DOCK3: variants seen among roughly 807,000 people sequenced by gnomAD.
DOCK3 encodes the protein dedicator of cytokinesis protein 3.
DOCK3 carries 60 observed loss-of-function variants against 265.6 expected under a neutral mutation model. The ratio of observed to expected loss-of-function variants is 0.23; its 90% CI spans 0.18 to 0.28. The LOEUF is 0.28. DOCK3 is among the 10% of genes least tolerant of loss of function. The pLI, the probability that DOCK3 is intolerant of heterozygous loss-of-function variation, is 1.00. For synonymous variants in DOCK3, 881 were observed against 938.0 expected (o/e 0.94, Z 1.11); for missense variants, 1,981 against 2,594.3 (o/e 0.76, Z 5.14).
At chr3:50,683,804 A>C (rs2034577840) in intron 1 of DOCK3, among the ~76,000 whole-genome samples, 1 of 147,852 alleles carries the variant, frequency 6.8e-6, no homozygotes, top group African/African-American at 2.5e-5. Context: ...CATTCTCTCC[A>C]CATTTTTTCT....
At chr3:50,813,131 A>G (rs745548821) in intron 2 of DOCK3, among the ~76,000 whole-genome samples, 1 of 152,354 alleles carries the variant, frequency 6.6e-6, no homozygotes, top group Middle Eastern at 3.4e-3. Context: ...AAAATTGGTA[A>G]TGTCTTAAAT....
chr3:50,964,179 T>C (rs374682815), intron 5 of DOCK3, among the ~76,000 whole-genome samples: 2 of 152,138 alleles, frequency 1.3e-5, no homozygotes, highest in East Asian at 3.9e-4. Context: ...ATAAAACAAC[T>C]GATGAAAGCA....
chr3:50,941,627 G>A (rs1432701582), intron 5 of DOCK3, among the ~76,000 whole-genome samples: 4 of 151,954 alleles, frequency 2.6e-5, no homozygotes, highest in Admixed American at 2.6e-4. Flanking sequence ...TTTATAAAAA[G>A]CTTTATTTCT....
intron 32 of DOCK3, among the ~76,000 whole-genome samples, chr3:51,317,257 C>A (rs6445620): frequency 6.7e-6 from 1 of 148,676 alleles, no homozygotes; most frequent in African/African-American, 2.5e-5. Context: ...TGGTCAAAAA[C>A]CAATTGCCAA....
chr3:51,260,492 G>A (rs1665908626), intron 23 of DOCK3, among the ~76,000 whole-genome samples, 166 bp downstream of exon 23: 1 of 152,122 alleles, frequency 6.6e-6, no homozygotes, highest in Non-Finnish European at 1.5e-5. Context: ...TGCTTTTACT[G>A]CAAATCTGGC....
chr3:50,940,058 C>CACACACAA (rs1553709235), intron 5 of DOCK3, among the ~76,000 whole-genome samples: 110 of 151,256 alleles, frequency 7.3e-4, no homozygotes, highest in African/African-American at 2.6e-3. Context: ...TACCCACAGA[C>CACACACAA]ACACACATAC....
intron 49 of DOCK3, among the ~76,000 whole-genome samples, chr3:51,373,443 T>C (rs1225286878): frequency 6.6e-6 from 1 of 152,192 alleles, no homozygotes; most frequent in Admixed American, 6.5e-5. Context: ...CCCCCAGTGG[T>C]TTCTCATGGA....
chr3:51,087,020 C>A (rs1265617698), intron 7 of DOCK3, among the ~76,000 whole-genome samples: 1 of 152,152 alleles, frequency 6.6e-6, no homozygotes, highest in Non-Finnish European at 1.5e-5. Flanking sequence ...AACTGTATGG[C>A]TCTACTGCTG....
chr3:51,345,301 A>T (rs17051747), intron 38 of DOCK3, among the ~76,000 whole-genome samples: 4,868 of 152,224 alleles, frequency 0.032, 282 homozygotes, highest in African/African-American at 0.11. Context: ...TAAAGCAAGG[A>T]GTCAGGGTCT....
intron 5 of DOCK3, among the ~76,000 whole-genome samples, chr3:51,001,595 G>A (rs1031812267): frequency 6.6e-6 from 1 of 152,118 alleles, no homozygotes; most frequent in African/African-American, 2.4e-5. Context: ...TTTCTCTGGA[G>A]AATGCTAACA....
At chr3:51,200,129 T>C (rs910540881) in intron 12 of DOCK3, among the ~76,000 whole-genome samples, 2 of 151,840 alleles carry the variant, frequency 1.3e-5, no homozygotes, top group Admixed American at 1.3e-4. Flanking sequence ...GCAGAGCACC[T>C]CTCCTCCTTC....
rs1235165847 is a variant in DOCK3 at position 50,725,014 on chromosome 3, G to C, written c.37+49714G>C. ...CTCAAAAAAAAAAAAAAATAATAATGACTAAGAATTTCCAAGTCGTGATGA... is the reference window on the plus strand; with the variant it reads ...CTCAAAAAAAAAAAAAAATAATAATCACTAAGAATTTCCAAGTCGTGATGA... On this transcript the variant is annotated intron_variant, in intron 1 of 52. Coordinates refer to ENST00000266037, the MANE Select transcript of DOCK3 (RefSeq NM_004947.5). Among the ~76,000 whole-genome samples the C allele has an allele frequency of 3.3e-5, 5 of 151,276 alleles. 1 individual carries two copies. The highest frequency in any genetic ancestry group is 3.3e-4 in the Admixed American group (5 of 15,186).
chr3:50,923,309 G>T (rs978299022), intron 4 of DOCK3, among the ~76,000 whole-genome samples: 1 of 152,084 alleles, frequency 6.6e-6, no homozygotes, highest in African/African-American at 2.4e-5. Context: ...TGGATCAATG[G>T]TAGTTCTACT....
intron 7 of DOCK3, among the ~76,000 whole-genome samples, chr3:51,085,844 G>GA (rs1199545760): frequency 2.0e-5 from 3 of 151,804 alleles, no homozygotes; most frequent in Non-Finnish European, 2.9e-5. Context: ...AAATAGAGCT[G>GA]AAAAAAACAA....
intron 10 of DOCK3, among the ~76,000 whole-genome samples, chr3:51,155,700 G>A (rs919902344): frequency 2.6e-5 from 4 of 152,064 alleles, no homozygotes; most frequent in African/African-American, 9.7e-5. Context: ...TAGATTTTAG[G>A]GTTTCCTACC....
rs1218104335 is a variant in DOCK3, at chr3:51,307,553, G to GT, written c.2923-2671dup. ...AATAACTCTCCGCATTTTGTAAAGT[G>GT]TTTTTTTTATGTGTATGTGTTGGGG... On this transcript the variant is annotated intron_variant, in intron 27 of 52. Coordinates refer to ENST00000266037, the MANE Select transcript of DOCK3 (RefSeq NM_004947.5). 1.1e-4 allele frequency among the ~76,000 whole-genome samples: 17 copies of GT among 152,098 alleles called. No homozygotes were observed. In the South Asian group the frequency reaches 1.2e-3, roughly 11 times the overall value.
intron 12 of DOCK3, among the ~76,000 whole-genome samples, chr3:51,190,164 G>C (rs1381570003): frequency 6.6e-6 from 1 of 152,184 alleles, no homozygotes; most frequent in Non-Finnish European, 1.5e-5. Flanking sequence ...TTGTCCCACA[G>C]GGTATTCCCT....
intron 5 of DOCK3, among the ~76,000 whole-genome samples, chr3:50,945,785 G>A (rs899417282): frequency 1.3e-5 from 2 of 152,120 alleles, no homozygotes; most frequent in South Asian, 4.1e-4. Flanking sequence ...ATATCATATA[G>A]TGGCTAAGTG....
chr3:51,035,935 T>G (rs1392253962), intron 5 of DOCK3, among the ~76,000 whole-genome samples: 1 of 152,150 alleles, frequency 6.6e-6, no homozygotes, highest in African/African-American at 2.4e-5. Context: ...TTTTAGTATT[T>G]TTTCTCCCCT....
Sources: gnomAD v4.1 joint callset for allele counts (sites outside exome capture counted in the v4.1 genomes callset) on GRCh38, gnomAD v4.1.1 for gene constraint, MANE v1.5 for transcripts, NCBI Gene and HGNC (gene_info 2026-07-23, HGNC 2026-07-21) for gene names.